FTO: variants seen among roughly 807,000 people sequenced by gnomAD.
FTO encodes alpha-ketoglutarate-dependent dioxygenase FTO.
In FTO, 47 loss-of-function variants were observed where a neutral mutation model predicts 63.9. That is an observed-to-expected ratio of 0.74 (90% CI 0.58 to 0.94). The LOEUF is 0.94. Ranked by LOEUF, FTO falls within the 40% of genes least tolerant of loss-of-function variation. The pLI, the probability that FTO is intolerant of heterozygous loss-of-function variation, is 0.00. For synonymous variants in FTO, 207 were observed against 224.4 expected, an observed-to-expected ratio of 0.92 and a Z score of 0.69; for missense variants, 562 against 618.1, an observed-to-expected ratio of 0.91 and a Z score of 0.96.
intron 1 of FTO, among the ~76,000 whole-genome samples, chr16:53,730,775 G>T (rs2076254419): frequency 6.6e-6 from 1 of 152,006 alleles, no homozygotes; most frequent in African/African-American, 2.4e-5. Context: ...TGGATTACAG[G>T]CATGAGCCAC....
At chr16:53,916,390 G>A (rs148480634) in intron 7 of FTO, among the ~76,000 whole-genome samples, 1,895 of 152,026 alleles carry the variant, frequency 0.012, 20 homozygotes, top group Middle Eastern at 0.031. Context: ...CTAAATCACC[G>A]TTGGAATGAT....
chr16:53,792,594 A>AGT (rs1460457196), intron 1 of FTO, among the ~76,000 whole-genome samples: 8 of 152,188 alleles, frequency 5.3e-5, no homozygotes, highest in African/African-American at 1.9e-4. Context: ...GCTGATCTCA[A>AGT]GTGTTATTTA....
intron 8 of FTO, among the ~76,000 whole-genome samples, chr16:53,972,320 G>A (rs115604077): frequency 0.01 from 1,576 of 152,152 alleles, 15 homozygotes; most frequent in African/African-American, 0.021. Context: ...TTCAATACGT[G>A]TGTTGAAGAT....
chr16:54,109,316 C>T (rs2086824354), intron 8 of FTO, among the ~76,000 whole-genome samples: 1 of 152,168 alleles, frequency 6.6e-6, no homozygotes. Context: ...CCCATACCAG[C>T]CAGTCTTTGT....
intron 8 of FTO, among the ~76,000 whole-genome samples, chr16:54,002,537 G>T (rs73626767): frequency 6.6e-6 from 1 of 152,244 alleles, no homozygotes; most frequent in East Asian, 1.9e-4. Flanking sequence ...GGAGAAACCT[G>T]TGAGGAAAGC....
intron 1 of FTO, among the ~76,000 whole-genome samples, chr16:53,749,168 C>A (rs554851408): frequency 6.6e-6 from 1 of 152,156 alleles, no homozygotes; most frequent in Non-Finnish European, 1.5e-5. Context: ...ATTTTGTATC[C>A]TGCAGCTTAA....
Position 54,113,754 on chromosome 16 carries a change from T to G in FTO, c.*1839T>G, listed in dbSNP as rs1351922589. ...GTTATATCCCATTAGGTGCCCATAT[T>G]TAAAAATTGGGAGATTTCACATAAA... On this transcript the variant is annotated 3_prime_UTR_variant, in exon 9 of 9. Transcript: ENST00000471389. 6.6e-6 allele frequency: 1 copy of G among 152,212 alleles called. No individual in the cohort carries two copies. Among genetic ancestry groups the G allele is most frequent in the Non-Finnish European group, 1.5e-5 (1 of 68,044 alleles). 9.4% of individuals were successfully genotyped at this position (152,212 alleles called of 1,614,324 possible).
chr16:54,062,896 C>G (rs1599300562), intron 8 of FTO, among the ~76,000 whole-genome samples: 1 of 152,304 alleles, frequency 6.6e-6, no homozygotes, highest in Middle Eastern at 3.4e-3. Flanking sequence ...GGAAATCCTG[C>G]CCAACACAGA....
chr16:53,932,425 TG>T (rs1229356206), intron 7 of FTO, among the ~76,000 whole-genome samples: 1 of 151,340 alleles, frequency 6.6e-6, no homozygotes, highest in African/African-American at 2.4e-5. Flanking sequence ...AACCTCACTC[TG>T]TTGCCCAGGC....
chr16:53,771,259 C>T (rs1453120230), intron 1 of FTO, among the ~76,000 whole-genome samples: 1 of 152,168 alleles, frequency 6.6e-6, no homozygotes, highest in Non-Finnish European at 1.5e-5. Flanking sequence ...ACATCTTCAT[C>T]CTTCCAGTTG....
At chr16:53,894,653 A>T (rs78159793) in intron 7 of FTO, among the ~76,000 whole-genome samples, 1 of 122,686 alleles carries the variant, frequency 8.2e-6, no homozygotes, top group Non-Finnish European at 1.8e-5. Context: ...TGTGTGTATA[A>T]TTTTTTTCAC....
rs1367505842 is a variant in FTO, at chr16:53,974,422, G to T, written c.1364+40313G>T. On this transcript the variant is annotated intron_variant, in intron 8 of 8. Transcript: ENST00000471389. ...TGAAGCACTAAACTTAGTAAAGATG[G>T]CTAATAAAAACATCAAGATTCACCA... 2.0e-5 allele frequency among the ~76,000 whole-genome samples: 3 copies of T among 152,102 alleles called. No homozygotes were observed. The South Asian group carries it at 6.2e-4, about 32-fold the overall frequency.
chr16:53,792,322 C>T (rs1370961665), intron 1 of FTO, among the ~76,000 whole-genome samples: 1 of 152,156 alleles, frequency 6.6e-6, no homozygotes, highest in East Asian at 1.9e-4. Context: ...GTTAAACTAA[C>T]ATGTCATATC....
Position 54,061,948 on chromosome 16 carries a change from C to T in FTO, c.1365-49814C>T, listed in dbSNP as rs140851823. 7.4e-3 allele frequency among the ~76,000 whole-genome samples: 1,130 copies of T among 152,218 alleles called. 7 individuals carry two copies. The highest frequency in any genetic ancestry group is 0.01 in the Non-Finnish European group (698 of 68,020). On this transcript the variant is annotated intron_variant, in intron 8 of 8. Transcript: ENST00000471389. The stretch of plus-strand genomic sequence containing the variant: ...TTAACATGGACTCCTCAAGCAAGTT[C>T]CTGGCGGCAATAAAATTTCAGTGTG...
At chr16:53,848,597 A>G (rs2079699962) in intron 4 of FTO, among the ~76,000 whole-genome samples, 1 of 151,728 alleles carries the variant, frequency 6.6e-6, no homozygotes, top group African/African-American at 2.4e-5. Flanking sequence ...ACACTCAGAG[A>G]AAAAAAAATA....
chr16:53,830,741 G>C (rs558135121), intron 3 of FTO, among the ~76,000 whole-genome samples: 4 of 152,120 alleles, frequency 2.6e-5, no homozygotes, highest in African/African-American at 9.6e-5. Flanking sequence ...CTTAGAAATA[G>C]AAAAATAAGC....
chr16:53,980,350 A>G (rs1416317306), intron 8 of FTO, among the ~76,000 whole-genome samples: 5 of 152,190 alleles, frequency 3.3e-5, no homozygotes, highest in Non-Finnish European at 4.4e-5. Flanking sequence ...GAATGGCTGG[A>G]AAGAGACCTG....
At chr16:53,776,213 A>C (rs1413991900) in intron 1 of FTO, among the ~76,000 whole-genome samples, 2 of 152,152 alleles carry the variant, frequency 1.3e-5, no homozygotes, top group African/African-American at 4.8e-5. Flanking sequence ...AGGCTGGATG[A>C]GCTCCATGTC....
intron 4 of FTO, among the ~76,000 whole-genome samples, chr16:53,858,376 G>T (rs950575533): frequency 1.3e-5 from 2 of 152,110 alleles, no homozygotes; most frequent in African/African-American, 4.8e-5. Flanking sequence ...CAGGAAAGAG[G>T]TATTCATTCA....
Sources: gnomAD v4.1 joint callset for allele counts (sites outside exome capture counted in the v4.1 genomes callset) on GRCh38, gnomAD v4.1.1 for gene constraint, MANE v1.5 for transcripts, NCBI Gene and HGNC (gene_info 2026-07-23, HGNC 2026-07-21) for gene names.